The following DLK1 variants were observed in gnomAD, a reference collection of about 807,000 sequenced individuals.
DLK1 encodes delta like non-canonical Notch ligand 1, also known as protein delta homolog 1.
Under a neutral mutation model 35.2 loss-of-function variants are expected in DLK1, and 9 were observed. The observed-to-expected ratio is 0.26, with a 90% CI of 0.15 to 0.45. The LOEUF is 0.45. DLK1 is among the 20% of genes least tolerant of loss of function. DLK1 has a pLI of 1.00. For missense variants in DLK1, 522 were observed against 528.5 expected (o/e 0.99, Z 0.12); for synonymous variants, 231 against 228.4 (o/e 1.01, Z -0.10).
rs2036579391 is a variant in DLK1, at chr14:100,736,895, C to T, written c.*1999C>T. ...TACCCCTCCCGTCCCCCAATCCTTC[C>T]CCTCCTGTTAGCCCACCCCTCCTTT... On this transcript the variant is annotated 3_prime_UTR_variant, in exon 5 of 5. Coordinates refer to ENST00000341267, the MANE Select transcript of DLK1 (RefSeq NM_003836.7). The T allele has an allele frequency of 1.4e-5, 2 of 141,224 alleles. No homozygotes were observed. The highest frequency in any genetic ancestry group is 1.4e-4 in the Admixed American group (2 of 14,078). The allele number at this position is 141,224 out of a possible 1,614,324, so 8.7% of individuals were successfully genotyped here. A position where few individuals can be genotyped will look rare whatever the true frequency, so the allele number is the denominator to read the frequency against.
At chr14:100,730,026 A>G (rs1212923238) in intron 3 of DLK1, among the ~76,000 whole-genome samples, 2 of 152,234 alleles carry the variant, frequency 1.3e-5, no homozygotes, top group African/African-American at 2.4e-5. Context: ...ATTGCATCTA[A>G]CATCCTTCCT....
rs2036550658 is a variant in DLK1, at chr14:100,734,655, C to T, written c.911C>T (p.Ala304Val). The change falls in exon 5 of 5, where the codon GCC (alanine) becomes GTC (valine). Residue 304 changes from alanine to valine, a missense_variant. Ala to Val is a moderately conservative substitution (Grantham distance 64). Transcript: ENST00000341267. The surrounding 1 kb of genome is among the most constrained non-coding windows in gnomAD (Gnocchi z 7.4). ...ACCCCTCTCCTCACCGAGGGCCAGG[C>T]CATCTGCTTCACCATCCTGGGCGTG... Reference protein sequence around the residue: ...KKTPLLTEGQAICFTILGVLT... With the variant: ...KKTPLLTEGQVICFTILGVLT... 6.2e-7 allele frequency: 1 copy of T among 1,613,920 alleles called. No homozygotes were observed. The highest frequency in any genetic ancestry group is 1.3e-5 in the African/African-American group (1 of 74,934).
At chr14:100,728,512 G>A in intron 2 of DLK1, 53 bp downstream of exon 2, 1 of 1,601,404 alleles carries the variant, frequency 6.2e-7, no homozygotes, top group South Asian at 1.1e-5. Flanking sequence ...AGAAGCCTGG[G>A]GAGTCGTGAA....
At position 100,734,988 on chromosome 14, in the gene DLK1, T is replaced by G; in HGVS notation, c.*92T>G. On this transcript the variant is annotated 3_prime_UTR_variant, in exon 5 of 5. Coordinates refer to ENST00000341267, the MANE Select transcript of DLK1 (RefSeq NM_003836.7). This position sits in a 1 kb window ranked among gnomAD's most constrained non-coding sequence, Gnocchi z 7.4. ...TAATCTTTGTGGTGTTCGCTATCTCTTGTGTCAAATCTGGTGAACGCTACG... is the reference window on the plus strand; with the variant it reads ...TAATCTTTGTGGTGTTCGCTATCTCGTGTGTCAAATCTGGTGAACGCTACG... 1 of 1,476,442 alleles carries G rather than the reference T, an allele frequency of 6.8e-7. No individual in the cohort carries two copies. The highest frequency in any genetic ancestry group is 9.0e-7 in the Non-Finnish European group (1 of 1,114,472). The allele number at this position is 1,476,442 out of a possible 1,614,324, so 91.5% of individuals were successfully genotyped here.
chr14:100,731,295 A>G (rs1307535244), intron 3 of DLK1, among the ~76,000 whole-genome samples: 1 of 152,160 alleles, frequency 6.6e-6, no homozygotes, highest in Non-Finnish European at 1.5e-5. Flanking sequence ...CTGAACCTGA[A>G]TAATGAAGTG....
chr14:100,727,062 C>T lies in DLK1; in HGVS notation c.-7C>T. ...GCTCCCGGGACCGCGACCCCGGCCG[C>T]CCAGAGATGACCGCGACCGAAGCCC... On this transcript the variant is annotated 5_prime_UTR_variant, in exon 1 of 5. Coordinates refer to ENST00000341267, the MANE Select transcript of DLK1 (RefSeq NM_003836.7). 2 of 1,585,494 alleles carry T rather than the reference C, an allele frequency of 1.3e-6. No homozygotes were observed. The highest frequency in any genetic ancestry group is 1.7e-6 in the Non-Finnish European group (2 of 1,168,414).
chr14:100,730,571 A>G (rs1205362756), intron 3 of DLK1, among the ~76,000 whole-genome samples: 1 of 152,174 alleles, frequency 6.6e-6, no homozygotes, highest in Non-Finnish European at 1.5e-5. Flanking sequence ...AGAGCAGCTT[A>G]ATTCACCCCT....
chr14:100,727,248 G>A, intron 1 of DLK1, 113 bp downstream of exon 1: 8 of 1,135,272 alleles, frequency 7.0e-6, no homozygotes, highest in Admixed American at 6.0e-5. Context: ...CGCCCGTCCC[G>A]CCTAGCCCTA....
intron 3 of DLK1, 87 bp downstream of exon 3, chr14:100,729,153 G>A: frequency 6.3e-7 from 1 of 1,595,070 alleles, no homozygotes; most frequent in South Asian, 1.1e-5. Flanking sequence ...TCCTGTTGCT[G>A]GTGTTCCTCA....
chr14:100,728,557 C>T (rs1210426949), intron 2 of DLK1, 98 bp downstream of exon 2: 54 of 1,308,330 alleles, frequency 4.1e-5, no homozygotes, highest in Admixed American at 5.4e-5. Context: ...TTGGCCACTA[C>T]GCTGCAGCAA....
intron 2 of DLK1, 84 bp from the exon 3 acceptor site, chr14:100,728,852 T>C: frequency 6.4e-7 from 1 of 1,556,192 alleles, no homozygotes. Context: ...CCAAGGGTCC[T>C]TGGTTCCACA....
Position 100,729,077 on chromosome 14 carries a change from G to A in DLK1, c.262+11G>A, listed in dbSNP as rs1184596020. ...AGCTCTGTGATAGAGGTTGGCACTC[G>A]CCTTTGTTCACCTCAGCTCTGCGTC... On this transcript the variant is annotated intron_variant, in intron 3 of 4. Coordinates refer to ENST00000341267, the MANE Select transcript of DLK1 (RefSeq NM_003836.7). 25 of 1,613,154 alleles carry A rather than the reference G, an allele frequency of 1.5e-5. No homozygotes were observed. Among genetic ancestry groups the A allele is most frequent in the South Asian group, 3.3e-5 (3 of 91,092 alleles).
intron 3 of DLK1, 75 bp downstream of exon 3, chr14:100,729,141 T>C: frequency 6.2e-7 from 1 of 1,601,936 alleles, no homozygotes; most frequent in South Asian, 1.1e-5. Flanking sequence ...CTCCTCCCAG[T>C]CTCCTGTTGC....
At position 100,729,000 on chromosome 14, in the gene DLK1, G is replaced by A. The variant is rs1405964697; in HGVS notation, c.196G>A (p.Gly66Arg). ...QCVTSPGCLH[G>R]LCGEPGQCIC... ...CGTGACCTCTCCCGGCTGCCTTCAC[G>A]GACTCTGTGGAGAACCCGGGCAGTG... Residue 66 changes from glycine to arginine, a missense_variant, in exon 3 of 5, where the codon GGA becomes AGA. Physicochemically the swap from Gly to Arg is moderately radical, Grantham distance 125. Coordinates refer to ENST00000341267, the MANE Select transcript of DLK1 (RefSeq NM_003836.7). 6 of 1,614,034 alleles carry A rather than the reference G, an allele frequency of 3.7e-6. No individual in the cohort carries two copies. The highest frequency in any genetic ancestry group is 3.3e-5 in the South Asian group (3 of 91,082).
chr14:100,731,954 A>G (rs1239387189), intron 3 of DLK1, 88 bp from the exon 4 acceptor site: 2 of 1,489,550 alleles, frequency 1.3e-6, no homozygotes, highest in Non-Finnish European at 1.8e-6. Flanking sequence ...CTCGGTGGCC[A>G]TAGAGCCATT....
In DLK1 at chr14:100,728,380, C is replaced by A; in HGVS notation, c.68-16C>A. 1 of 1,613,556 alleles carries A rather than the reference C, an allele frequency of 6.2e-7. No homozygotes were observed. The highest frequency in any genetic ancestry group is 1.1e-5 in the South Asian group (1 of 91,060). ...GGCCTGGTGGGGTGAATTGTATAAC[C>A]TTTCTTGTACCTCAGGGGCTGAATG... On this transcript the variant is annotated splice_polypyrimidine_tract_variant and intron_variant, in intron 1 of 4. Transcript: ENST00000341267.
intron 4 of DLK1, among the ~76,000 whole-genome samples, chr14:100,733,371 A>G (rs190638992): frequency 7.2e-4 from 109 of 152,278 alleles, no homozygotes; most frequent in South Asian, 4.4e-3. Flanking sequence ...TCGCTCGTTT[A>G]AAAGCACTTA....
At chr14:100,730,053 G>T (rs1422880514) in intron 3 of DLK1, among the ~76,000 whole-genome samples, 1 of 152,188 alleles carries the variant, frequency 6.6e-6, no homozygotes, top group African/African-American at 2.4e-5. Context: ...ACACCTAAGA[G>T]CATTTTGTTG....
At chr14:100,729,613 G>T (rs1430658899) in intron 3 of DLK1, among the ~76,000 whole-genome samples, 2 of 152,180 alleles carry the variant, frequency 1.3e-5, no homozygotes, top group Non-Finnish European at 2.9e-5. Flanking sequence ...GTAGGGGGAG[G>T]CTGCAGTTGG....
Sources: gnomAD v4.1 joint callset for allele counts (sites outside exome capture counted in the v4.1 genomes callset) on GRCh38, gnomAD v4.1.1 for gene constraint, Gnocchi (gnomAD v3.1) non-coding constraint, MANE v1.5 for transcripts, NCBI Gene and HGNC (gene_info 2026-07-23, HGNC 2026-07-21) for gene names.